Variants in SCARF2 observed in about 807,000 individuals in gnomAD.
SCARF2 encodes the protein scavenger receptor class F member 2, also known as scavenger receptor expressed by endothelial cells 2 protein.
A neutral mutation model predicts 73.4 loss-of-function variants in SCARF2; 39 were observed. That is an observed-to-expected ratio of 0.53 (90% confidence interval 0.41 to 0.69). The LOEUF (loss-of-function observed/expected upper bound fraction) is 0.69, where lower values mean the gene tolerates loss of function less well. Among genes scored for constraint, SCARF2 ranks in the 30% least tolerant of loss-of-function variants. SCARF2 has a pLI of 0.00. For synonymous variants in SCARF2, 605 were observed against 590.0 expected (o/e 1.03, Z -0.37); for missense variants, 1,148 against 1,303.5 (o/e 0.88, Z 1.84).
chr22:20,431,725 C>T lies in SCARF2; in HGVS notation c.334+20G>A, dbSNP rs1332633652. On this transcript the variant is annotated intron_variant, in intron 3 of 10. Coordinates refer to ENST00000622235, the MANE Select transcript of SCARF2 (RefSeq NM_182895.5). Reference sequence around the variant, plus strand: ...AGGATTCCGCCCCACCGACCAATACCGGCCCGACCCCACGCTCACTGGTGT... The same window carrying T: ...AGGATTCCGCCCCACCGACCAATACTGGCCCGACCCCACGCTCACTGGTGT... 2 of 1,554,900 alleles carry T rather than the reference C, an allele frequency of 1.3e-6. No individual in the cohort carries two copies. The highest frequency in any genetic ancestry group is 1.2e-5 in the South Asian group (1 of 84,540).
At chr22:20,434,285 C>T (rs1056198959) in intron 1 of SCARF2, among the ~76,000 whole-genome samples, 2 of 152,044 alleles carry the variant, frequency 1.3e-5, no homozygotes, top group Non-Finnish European at 2.9e-5. Flanking sequence ...CAGAGTGAAA[C>T]CCTGTCTCAA....
chr22:20,428,259 C>T (rs2052602276), intron 9 of SCARF2, among the ~76,000 whole-genome samples: 1 of 122,194 alleles, frequency 8.2e-6, no homozygotes, highest in African/African-American at 3.0e-5. Context: ...CTTCTTTTCT[C>T]TTCTCTTCTC....
At chr22:20,437,531 A>G in intron 1 of SCARF2, 51 bp downstream of exon 1, 1 of 1,529,400 alleles carries the variant, frequency 6.5e-7, no homozygotes, top group Non-Finnish European at 8.8e-7. Context: ...CCGCCACACC[A>G]CTGCCCAGAG....
In SCARF2 at chr22:20,426,256, CG is replaced by C; in HGVS notation, c.1719del (p.Glu574LysfsTer17). The C allele has an allele frequency of 6.5e-7, 1 of 1,535,828 alleles. No homozygotes were observed. The highest frequency in any genetic ancestry group is 8.7e-7 in the Non-Finnish European group (1 of 1,147,298). On this transcript the variant is annotated frameshift_variant, in exon 11 of 11. Transcript: ENST00000622235. LOFTEE classifies it low-confidence loss of function (END_TRUNC). The part of the protein sequence containing the change: ...HEEAPAESRD[P>X]EVPTVPAEAP... ...GCCTCGGCAGGGACAGTGGGGACTT[CG>C]GGGTCCCGGCTCTCCGCTGGTGCCT...
intron 3 of SCARF2, 61 bp from the exon 4 acceptor site, chr22:20,431,598 G>T (rs1439445962): frequency 8.4e-6 from 13 of 1,543,218 alleles, no homozygotes; most frequent in Admixed American, 2.0e-5. Flanking sequence ...CCCCCAGCCA[G>T]CCGGAACCTG....
intron 9 of SCARF2, 54 bp from the exon 10 acceptor site, chr22:20,427,604 C>G: frequency 6.3e-7 from 1 of 1,598,814 alleles, no homozygotes; most frequent in South Asian, 1.1e-5. Flanking sequence ...CAGCCGGTGC[C>G]CTCATTAGCC....
Position 20,425,313 on chromosome 22 carries a change from G to A in SCARF2, c.*62C>T. The A allele has an allele frequency of 7.8e-7, 1 of 1,283,072 alleles. No homozygotes were observed. Among genetic ancestry groups the A allele is most frequent in the Non-Finnish European group, 1.0e-6 (1 of 998,100 alleles). The allele number at this position is 1,283,072 out of a possible 1,614,324, so 79.5% of individuals were successfully genotyped here. On this transcript the variant is annotated 3_prime_UTR_variant, in exon 11 of 11. Coordinates refer to ENST00000622235, the MANE Select transcript of SCARF2 (RefSeq NM_182895.5). The surrounding 1 kb of genome is among the most constrained non-coding windows in gnomAD (Gnocchi z 4.6). The stretch of plus-strand genomic sequence containing the variant: ...CCGCCCGTGCCCGGTAGCGTGGGAG[G>A]TGTGGGGTGGCGGGCGGCGCTGCGA...
chr22:20,429,297 C>G lies in SCARF2; in HGVS notation c.1468G>C (p.Gly490Arg), dbSNP rs1490748078. ...GRKKAPHRLC[G>R]RFSRISMKLP... ...TTCATGCTGATGCGACTGAAGCGCC[C>G]GCATAGTCGGTGCGGCGCCTTCTTC... Residue 490 changes from glycine to arginine, a missense_variant, in exon 9 of 11, where the codon GGG becomes CGG. Gly to Arg is a moderately radical substitution (Grantham distance 125). Around this residue, in one of 5 missense-constraint regions of SCARF2, gnomAD observed 437 missense variants for 433.6 expected, o/e 1.01. Transcript: ENST00000622235. The surrounding 1 kb of genome is among the most constrained non-coding windows in gnomAD (Gnocchi z 5.2). 4 of 1,613,080 alleles carry G rather than the reference C, an allele frequency of 2.5e-6. No individual in the cohort carries two copies. Among genetic ancestry groups the G allele is most frequent in the South Asian group, 1.1e-5 (1 of 91,062 alleles).
In SCARF2 at chr22:20,425,899, T is replaced by C; in HGVS notation, c.2077A>G (p.Ser693Gly). The change falls in exon 11 of 11, where the codon AGC (serine) becomes GGC (glycine). Residue 693 changes from serine (S) to glycine (G), a missense_variant. Ser to Gly is a moderately conservative substitution (Grantham distance 56). This residue lies in a region of SCARF2 where 437 missense variants were observed against 433.6 expected (regional missense o/e 1.01). Coordinates refer to ENST00000622235, the MANE Select transcript of SCARF2 (RefSeq NM_182895.5). The surrounding 1 kb of genome is among the most constrained non-coding windows in gnomAD (Gnocchi z 4.6). Reference sequence around the variant, plus strand: ...GGCGTCCGTTTCCTCTTGCTGGGGCTGGGCGCGGCCTCGGAGCCTGGCGGC... The same window carrying C: ...GGCGTCCGTTTCCTCTTGCTGGGGCCGGGCGCGGCCTCGGAGCCTGGCGGC... The part of the protein sequence containing the change: ...PPPPGSEAAP[S>G]PSKRKRTPSD... 1 of 1,598,482 alleles carries C rather than the reference T, an allele frequency of 6.3e-7. No homozygotes were observed. Among genetic ancestry groups the C allele is most frequent in the African/African-American group, 1.4e-5 (1 of 73,064 alleles).
rs1601300996 is a variant in SCARF2 at position 20,431,314 on chromosome 22, G to A, written c.558C>T (p.Tyr186=). Residue 186 remains tyrosine, a synonymous_variant, in exon 4 of 11, where the codon TAC becomes TAT. Transcript: ENST00000622235. ...GGTCGCAGCGCGACGTGGCGCTGCAGTAGCACGCGCTGGCGCACTGCGCGC... is the reference window on the plus strand; with the variant it reads ...GGTCGCAGCGCGACGTGGCGCTGCAATAGCACGCGCTGGCGCACTGCGCGC... ...WWGAQCASAC[Y]CSATSRCDPQ... The A allele has an allele frequency of 2.6e-6, 4 of 1,516,922 alleles. No individual in the cohort carries two copies. The African/African-American group carries it at 4.3e-5, about 16-fold the overall frequency. The allele number at this position is 1,516,922 out of a possible 1,614,324, so 94.0% of individuals were successfully genotyped here.
intron 5 of SCARF2, 24 bp from the exon 6 acceptor site, chr22:20,430,581 C>T: frequency 6.2e-7 from 1 of 1,611,928 alleles, no homozygotes; most frequent in Non-Finnish European, 8.5e-7. Flanking sequence ...GAGGAGGCGT[C>T]AGCAGAAATG....
rs1422804153 is a variant in SCARF2, at chr22:20,437,573, G to A, written c.173+9C>T. On this transcript the variant is annotated intron_variant, in intron 1 of 10. Transcript: ENST00000622235. ...TCTCGCCCCCTCCCCCAGCCAGGCC[G>A]GCTCCTACCCGGGAGCACGGCACAC... is the stretch of plus-strand genomic sequence containing the variant. 2.5e-6 allele frequency: 4 copies of A among 1,571,504 alleles called. No individual in the cohort carries two copies. The highest frequency in any genetic ancestry group is 4.7e-5 in the East Asian group (2 of 42,822).
In SCARF2 at chr22:20,429,123, C is replaced by A. The variant is rs1003765416; in HGVS notation, c.1540+102G>T. 3 of 1,471,118 alleles carry A rather than the reference C, an allele frequency of 2.0e-6. No individual in the cohort carries two copies. Among genetic ancestry groups the A allele is most frequent in the Non-Finnish European group, 2.8e-6 (3 of 1,054,936 alleles). The allele number at this position is 1,471,118 out of a possible 1,614,324, so 91.1% of individuals were successfully genotyped here. On this transcript the variant is annotated intron_variant, in intron 9 of 10. Transcript: ENST00000622235. This position sits in a 1 kb window ranked among gnomAD's most constrained non-coding sequence, Gnocchi z 5.2. ...CCCACGCACATCAACACTCAAGGTC[C>A]CCCATTTCCTCACTGAGATCTGGAC...
chr22:20,428,107 C>T (rs1454885712), intron 9 of SCARF2, among the ~76,000 whole-genome samples: 1 of 152,186 alleles, frequency 6.6e-6, no homozygotes, highest in African/African-American at 2.4e-5. Flanking sequence ...GGGGTCCACT[C>T]CCCACACCTA....
chr22:20,427,960 T>G (rs1046104215), intron 9 of SCARF2, among the ~76,000 whole-genome samples: 4 of 152,186 alleles, frequency 2.6e-5, no homozygotes, highest in African/African-American at 7.2e-5. Context: ...TGAGCCCAAA[T>G]GCGCAGTGGC....
In SCARF2 at chr22:20,429,477, G is replaced by A; in HGVS notation, c.1424+59C>T. The A allele has an allele frequency of 6.3e-7, 1 of 1,599,230 alleles. No individual in the cohort carries two copies. Among genetic ancestry groups the A allele is most frequent in the Non-Finnish European group, 8.5e-7 (1 of 1,174,788 alleles). ...CGCGGAAGGGTTGGATCTGGGTCCG[G>A]TGGCACCCAGAGGGTGCGGCCTGAA... On this transcript the variant is annotated intron_variant, in intron 8 of 10. Coordinates refer to ENST00000622235, the MANE Select transcript of SCARF2 (RefSeq NM_182895.5). This position sits in a 1 kb window ranked among gnomAD's most constrained non-coding sequence, Gnocchi z 5.2.
At position 20,425,601 on chromosome 22, in the gene SCARF2, C is replaced by A; in HGVS notation, c.2375G>T (p.Gly792Val). 1 of 1,333,910 alleles carries A rather than the reference C, an allele frequency of 7.5e-7. No individual in the cohort carries two copies. The highest frequency in any genetic ancestry group is 9.6e-7 in the Non-Finnish European group (1 of 1,045,574). The allele number at this position is 1,333,910 out of a possible 1,614,324, so 82.6% of individuals were successfully genotyped here. A position where few individuals can be genotyped will look rare whatever the true frequency, so the allele number is the denominator to read the frequency against. The change falls in exon 11 of 11, where the codon GGC becomes GTC. Residue 792 changes from glycine (G) to valine (V), a missense_variant. By Grantham distance (109) the Gly-to-Val change is moderately radical. This residue lies in a region of SCARF2 where 169 missense variants were observed against 136.9 expected (regional missense o/e 1.23). Transcript: ENST00000622235. The surrounding 1 kb of genome is among the most constrained non-coding windows in gnomAD (Gnocchi z 4.6). ...GRAEVALGAQGPREKPAPPQK... is the reference protein window; with the variant it reads ...GRAEVALGAQVPREKPAPPQK... Reference sequence around the variant, plus strand: ...TGGGGGCGCCGGCTTTTCCCTGGGGCCCTGCGCGCCCAGGGCCACCTCGGC... The same window carrying A: ...TGGGGGCGCCGGCTTTTCCCTGGGGACCTGCGCGCCCAGGGCCACCTCGGC...
rs775600793 is a variant in SCARF2 at position 20,425,480 on chromosome 22, G to A, written c.2496C>T (p.Pro832=). ...PGPEKAATDL[P]APETPRKKTP... is the part of the protein sequence containing the mutation. ...TCTTCTTCCGGGGGGTCTCAGGCGC[G>A]GGCAAGTCGGTCGCCGCCTTCTCAG... The change falls in exon 11 of 11, where the codon CCC becomes CCT. Residue 832 remains proline, a synonymous_variant. Transcript: ENST00000622235. The surrounding 1 kb of genome is among the most constrained non-coding windows in gnomAD (Gnocchi z 4.6). The A allele has an allele frequency of 8.7e-6, 12 of 1,373,904 alleles. No homozygotes were observed. The highest frequency in any genetic ancestry group is 3.0e-5 in the Admixed American group (1 of 33,570). 85.1% of individuals were successfully genotyped at this position (1,373,904 alleles called of 1,614,324 possible). A position where few individuals can be genotyped will look rare whatever the true frequency, so the allele number is the denominator to read the frequency against.
Position 20,429,575 on chromosome 22 carries a change from C to A in SCARF2, c.1385G>T (p.Gly462Val). Residue 462 changes from glycine (G) to valine (V), a missense_variant, in exon 8 of 11, where the codon GGC (glycine) becomes GTC (valine). By Grantham distance (109) the Gly-to-Val change is moderately radical (BLOSUM62 -3). Around this residue, in one of 5 missense-constraint regions of SCARF2, gnomAD observed 437 missense variants for 433.6 expected, o/e 1.01. Coordinates refer to ENST00000622235, the MANE Select transcript of SCARF2 (RefSeq NM_182895.5). This position sits in a 1 kb window ranked among gnomAD's most constrained non-coding sequence, Gnocchi z 5.2. ...LLVCLLLSLL[G>V]CCCACRGKDP... ...CTTGCCGCGGCAAGCGCAGCAGCAGCCGAGCAGCGAGAGCAGCAGGCAGAC... is the reference window on the plus strand; with the variant it reads ...CTTGCCGCGGCAAGCGCAGCAGCAGACGAGCAGCGAGAGCAGCAGGCAGAC... The A allele has an allele frequency of 6.2e-7, 1 of 1,613,304 alleles. No homozygotes were observed. Among genetic ancestry groups the A allele is most frequent in the Non-Finnish European group, 8.5e-7 (1 of 1,179,876 alleles).
Sources: gnomAD v4.1 joint callset for allele counts (sites outside exome capture counted in the v4.1 genomes callset) on GRCh38, gnomAD v4.1.1 for gene constraint, gnomAD v4.1.1 regional missense constraint, Gnocchi (gnomAD v3.1) non-coding constraint, MANE v1.5 for transcripts, NCBI Gene and HGNC (gene_info 2026-07-23, HGNC 2026-07-21) for gene names.